Variants in OXNAD1 observed in about 807,000 individuals in gnomAD.
OXNAD1 encodes oxidoreductase NAD-binding domain-containing protein 1.
A neutral mutation model predicts 32.9 loss-of-function variants in OXNAD1; 34 were observed. That is an observed-to-expected ratio of 1.03 (90% CI 0.79 to 1.38). The LOEUF is 1.38. Among genes scored for constraint, OXNAD1 ranks in the 40% most tolerant of loss-of-function variants. OXNAD1 has a pLI of 0.00. For synonymous variants in OXNAD1, 134 were observed against 135.2 expected (o/e 0.99, Z 0.06); for missense variants, 407 against 379.4 (o/e 1.07, Z -0.60).
intron 9 of OXNAD1, among the ~76,000 whole-genome samples, chr3:16,313,223 T>TTTTTTTTTTTTTTTTTTTTTA (rs1186728981): frequency 6.7e-6 from 1 of 150,046 alleles, no homozygotes; most frequent in Admixed American, 6.6e-5. Context: ...TTTTTTTTTT[T>TTTTTTTTTTTTTTTTTTTTTA]GCAGAGGCAA....
chr3:16,309,926 C>T (rs1048851302), downstream of OXNAD1, among the ~76,000 whole-genome samples: 1 of 152,184 alleles, frequency 6.6e-6, no homozygotes, highest in African/African-American at 2.4e-5. Context: ...AGTATCTTAA[C>T]TCTCTTCAAA....
At position 16,302,827 on chromosome 3, in the gene OXNAD1, T is replaced by C. The variant is rs868253985; in HGVS notation, c.784+79T>C. 5.6e-6 allele frequency: 6 copies of C among 1,065,254 alleles called. No homozygotes were observed. Among genetic ancestry groups the C allele is most frequent in the Middle Eastern group, 4.0e-4 (2 of 5,036 alleles). The allele number at this position is 1,065,254 out of a possible 1,614,324, so 66.0% of individuals were successfully genotyped here. ...ACCAGTTGGTTGAGCGTAGATGCTT[T>C]ATTGTTGGAAGCTGCTGGCTGGGAA... On this transcript the variant is annotated intron_variant, in intron 8 of 8. Coordinates refer to ENST00000285083, the MANE Select transcript of OXNAD1 (RefSeq NM_138381.5). This position sits in a 1 kb window ranked among gnomAD's most constrained non-coding sequence, Gnocchi z 4.2.
intron 4 of OXNAD1, 72 bp from the exon 5 acceptor site, chr3:16,286,270 T>C: frequency 8.2e-7 from 1 of 1,212,248 alleles, no homozygotes; most frequent in Non-Finnish European, 1.2e-6. Context: ...ACCTTAGTTC[T>C]CAGGATGCCA....
At position 16,317,311 on chromosome 3, in the gene OXNAD1, T is replaced by C; in HGVS notation, c.*30+13719T>C. On this transcript the variant is annotated intron_variant, in intron 9 of 9. Transcript: ENST00000435829. This position sits in a 1 kb window ranked among gnomAD's most constrained non-coding sequence, Gnocchi z 4.3. ...TCACCCAAAGCCTTGTTTGCATTCATACCCACACCATGTCTGAGTGAGACA... is the reference window on the plus strand; with the variant it reads ...TCACCCAAAGCCTTGTTTGCATTCACACCCACACCATGTCTGAGTGAGACA... 1 of 1,434,010 alleles carries C rather than the reference T, an allele frequency of 7.0e-7. No individual in the cohort carries two copies. Among genetic ancestry groups the C allele is most frequent in the Non-Finnish European group, 9.6e-7 (1 of 1,043,092 alleles). The allele number at this position is 1,434,010 out of a possible 1,614,324, so 88.8% of individuals were successfully genotyped here.
Position 16,301,683 on chromosome 3 carries a change from C to G in OXNAD1, c.490C>G (p.Gln164Glu). The G allele has an allele frequency of 1.2e-6, 2 of 1,613,958 alleles. No individual in the cohort carries two copies. Among genetic ancestry groups the G allele is most frequent in the Non-Finnish European group, 1.7e-6 (2 of 1,179,972 alleles). Residue 164 changes from glutamine to glutamate, a missense_variant, in exon 7 of 9, where the codon CAG becomes GAG. Gln to Glu is a conservative substitution (Grantham distance 29, BLOSUM62 2). Transcript: ENST00000285083. This position sits in a 1 kb window ranked among gnomAD's most constrained non-coding sequence, Gnocchi z 4.1. ...GGGTGGAGAGTTCTTCTTTGACCCT[C>G]AGCCTGCGGATGCCTCTAGAAACCT... ...RVGGEFFFDP[Q>E]PADASRNLVL...
chr3:16,330,101 A>G (rs2070160186), intron 9 of OXNAD1, among the ~76,000 whole-genome samples: 1 of 152,236 alleles, frequency 6.6e-6, no homozygotes, highest in Non-Finnish European at 1.5e-5. Context: ...GAGGGTACAG[A>G]ATCATAAAGG....
chr3:16,279,237 G>A (rs1461143936), intron 4 of OXNAD1, among the ~76,000 whole-genome samples: 2 of 152,120 alleles, frequency 1.3e-5, no homozygotes, highest in African/African-American at 4.8e-5. Flanking sequence ...AGGGGATCTG[G>A]GGGGCTGGAC....
At chr3:16,332,793 A>G (rs1347094224) in intron 9 of OXNAD1, among the ~76,000 whole-genome samples, 4 of 85,382 alleles carry the variant, frequency 4.7e-5, no homozygotes, top group Non-Finnish European at 1.0e-4. Context: ...CTCATCTTCT[A>G]CTTTATCTTC....
Position 16,303,158 on chromosome 3 carries a change from G to C in OXNAD1, c.785-250G>C, listed in dbSNP as rs2067307392. Among the ~76,000 whole-genome samples, 1 of 152,190 alleles carries C rather than the reference G, an allele frequency of 6.6e-6. No homozygotes were observed. The highest frequency in any genetic ancestry group is 2.1e-4 in the South Asian group (1 of 4,836). On this transcript the variant is annotated intron_variant, in intron 8 of 8. Transcript: ENST00000285083. This position sits in a 1 kb window ranked among gnomAD's most constrained non-coding sequence, Gnocchi z 4.8. The stretch of plus-strand genomic sequence containing the variant: ...ATCTCCATCAAAGACCAGTAAGCTA[G>C]CTGGCCCTTTCTGCAGAGTGCATTA...
chr3:16,269,775 C>G (rs113817587), intron 2 of OXNAD1, among the ~76,000 whole-genome samples: 4,769 of 152,178 alleles, frequency 0.031, 106 homozygotes, highest in Middle Eastern at 0.082. Flanking sequence ...TTGCTAACAG[C>G]AATTTATCAC....
Position 16,302,744 on chromosome 3 carries a change from C to T in OXNAD1, c.780C>T (p.Ile260=), listed in dbSNP as rs763666289. ...TCAATGCGGAACTCAAGCCATACATCACGGGTGAGTCCCCTAAAGATATTT... is the reference window on the plus strand; with the variant it reads ...TCAATGCGGAACTCAAGCCATACATTACGGGTGAGTCCCCTAAAGATATTT... The part of the protein sequence containing the change: ...TQINAELKPY[I]TEGRITEKEI... Residue 260 remains isoleucine, a synonymous_variant, in exon 8 of 9, where the codon ATC becomes ATT. Transcript: ENST00000285083. The surrounding 1 kb of genome is among the most constrained non-coding windows in gnomAD (Gnocchi z 4.2). 1.2e-6 allele frequency: 2 copies of T among 1,603,906 alleles called. No individual in the cohort carries two copies.
In OXNAD1 at chr3:16,345,109, C is replaced by T. The variant is rs1325139537; in HGVS notation, c.*31-4067C>T. The T allele has an allele frequency of 1.3e-5, 2 of 152,400 alleles. No homozygotes were observed. Among genetic ancestry groups the T allele is most frequent in the Non-Finnish European group, 2.9e-5 (2 of 68,072 alleles). The allele number at this position is 152,400 out of a possible 1,614,324, so 9.4% of individuals were successfully genotyped here. A position where few individuals can be genotyped will look rare whatever the true frequency, so the allele number is the denominator to read the frequency against. ...CCACAAGGCCAACAACCTAAGTGAG[C>T]TTGGAAGTGGATTCTTCCCCACCAA... On this transcript the variant is annotated intron_variant, in intron 9 of 9. Coordinates refer to the OXNAD1 transcript ENST00000606098. This position sits in a 1 kb window ranked among gnomAD's most constrained non-coding sequence, Gnocchi z 5.2.
chr3:16,313,205 ATTTT>A (rs750491540), intron 9 of OXNAD1, among the ~76,000 whole-genome samples: 1 of 103,798 alleles, frequency 9.6e-6, no homozygotes, highest in African/African-American at 4.4e-5. Context: ...CACCCAGCGG[ATTTT>A]TTTTTTTTTT....
chr3:16,271,055 C>T lies in OXNAD1; in HGVS notation c.103C>T (p.His35Tyr). 2.5e-6 allele frequency: 4 copies of T among 1,614,072 alleles called. No individual in the cohort carries two copies. Among genetic ancestry groups the T allele is most frequent in the Non-Finnish European group, 3.4e-6 (4 of 1,179,996 alleles). The part of the protein sequence containing the change: ...SLRLTLSTLR[H>Y]LTLTSIMKSK... ...GAGATTGACACTCAGCACTTTGCGCCACCTTACTCTAACCAGGTGAGTCAT... is the reference window on the plus strand; with the variant it reads ...GAGATTGACACTCAGCACTTTGCGCTACCTTACTCTAACCAGGTGAGTCAT... Residue 35 changes from histidine (H) to tyrosine (Y), a missense_variant, in exon 3 of 9, where the codon CAC becomes TAC. By Grantham distance (83) the His-to-Tyr change is moderately conservative. Coordinates refer to ENST00000285083, the MANE Select transcript of OXNAD1 (RefSeq NM_138381.5). This position sits in a 1 kb window ranked among gnomAD's most constrained non-coding sequence, Gnocchi z 4.6.
At chr3:16,274,177 A>C (rs928395216) in intron 4 of OXNAD1, among the ~76,000 whole-genome samples, 1 of 151,410 alleles carries the variant, frequency 6.6e-6, no homozygotes, top group African/African-American at 2.4e-5. Flanking sequence ...TAAAAAAAAA[A>C]AAAAAAACAA....
chr3:16,306,184 C>A (rs1428097552), downstream of OXNAD1: 1 of 152,094 alleles, frequency 6.6e-6, no homozygotes, highest in Non-Finnish European at 1.5e-5. Context: ...ATATTTGTAT[C>A]TTTCTCAGAT....
rs373906392 is a variant in OXNAD1 at position 16,316,795 on chromosome 3, A to G, written c.*30+13203A>G. The G allele has an allele frequency of 4.2e-5, 68 of 1,612,030 alleles. No homozygotes were observed. In the Admixed American group the frequency reaches 1.1e-3, roughly 25 times the overall value. ...TTGGTAAGATGCCTTGGGTTTGGCA[A>G]CTCACCTAGTTTTAGCACAAATTGC... On this transcript the variant is annotated intron_variant, in intron 9 of 9. Transcript: ENST00000435829. The surrounding 1 kb of genome is among the most constrained non-coding windows in gnomAD (Gnocchi z 4.5).
In OXNAD1 at chr3:16,289,110, G is replaced by A. The variant is rs529971694; in HGVS notation, c.290+2662G>A. Among the ~76,000 whole-genome samples, 2 of 152,338 alleles carry A rather than the reference G, an allele frequency of 1.3e-5. No individual in the cohort carries two copies. The highest frequency in any genetic ancestry group is 1.9e-4 in the East Asian group (1 of 5,194). On this transcript the variant is annotated intron_variant, in intron 5 of 8. Transcript: ENST00000285083. This position sits in a 1 kb window ranked among gnomAD's most constrained non-coding sequence, Gnocchi z 4.9. ...ATTCCTACGTTTTGGGATATTTAAA[G>A]TGTTTAGCATAATGCCTACTGTTAA...
downstream of OXNAD1, among the ~76,000 whole-genome samples, chr3:16,307,645 A>G (rs2067656068): frequency 6.6e-6 from 1 of 152,254 alleles, no homozygotes; most frequent in Non-Finnish European, 1.5e-5. Context: ...AATTTACTAT[A>G]AAGAGAAGAA....
Sources: gnomAD v4.1 joint callset for allele counts (sites outside exome capture counted in the v4.1 genomes callset) on GRCh38, gnomAD v4.1.1 for gene constraint, Gnocchi (gnomAD v3.1) non-coding constraint, MANE v1.5 for transcripts, NCBI Gene and HGNC (gene_info 2026-07-23, HGNC 2026-07-21) for gene names.